The following SLC2A12 variants were observed in gnomAD, a reference collection of about 807,000 sequenced individuals.
The protein encoded by SLC2A12 is solute carrier family 2 member 12.
Under a neutral mutation model 41.8 loss-of-function variants are expected in SLC2A12, and 23 were observed. That is an observed-to-expected ratio of 0.55 (90% confidence interval 0.40 to 0.78). The LOEUF is 0.78. Ranked by LOEUF, SLC2A12 falls within the 30% of genes least tolerant of loss-of-function variation. The pLI, the probability that SLC2A12 is intolerant of heterozygous loss-of-function variation, is 0.00. For synonymous variants in SLC2A12, 295 were observed against 285.9 expected, an observed-to-expected ratio of 1.03 and a Z score of -0.32; for missense variants, 654 against 745.6, an observed-to-expected ratio of 0.88 and a Z score of 1.43.
intron 4 of SLC2A12, among the ~76,000 whole-genome samples, chr6:133,995,724 CAT>C (rs1434778404): frequency 6.6e-6 from 1 of 152,188 alleles, no homozygotes; most frequent in Non-Finnish European, 1.5e-5. Context: ...TAAATCAGAT[CAT>C]GTCACTGCCC....
At position 134,006,793 on chromosome 6, in the gene SLC2A12, G is replaced by A. The variant is rs750498864; in HGVS notation, c.1567+19C>T. On this transcript the variant is annotated intron_variant, in intron 3 of 4. Transcript: ENST00000275230. ...CCTACGAGGACCAAAGACATTAGAG[G>A]AAAACAAAGACTTCTTACCAGTTAC... 6.2e-7 allele frequency: 1 copy of A among 1,613,596 alleles called. No homozygotes were observed. Among genetic ancestry groups the A allele is most frequent in the Non-Finnish European group, 8.5e-7 (1 of 1,179,808 alleles).
At position 133,989,734 on chromosome 6, in the gene SLC2A12, A is replaced by T. The variant is rs1190710173; in HGVS notation, c.*1421T>A. 6.6e-6 allele frequency: 1 copy of T among 152,162 alleles called. No homozygotes were observed. Among genetic ancestry groups the T allele is most frequent in the Non-Finnish European group, 1.5e-5 (1 of 68,028 alleles). 9.4% of individuals were successfully genotyped at this position (152,162 alleles called of 1,614,324 possible). On this transcript the variant is annotated 3_prime_UTR_variant, in exon 5 of 5. Transcript: ENST00000275230. ...ACTTACATAGGTTTATAGTCTCTCC[A>T]CATTGTTATAAAGGAATGTAATAGA... is the stretch of plus-strand genomic sequence containing the variant.
intron 4 of SLC2A12, among the ~76,000 whole-genome samples, chr6:133,991,795 T>A (rs548076871): frequency 6.6e-6 from 1 of 152,340 alleles, no homozygotes; most frequent in South Asian, 2.1e-4. Context: ...CCTTTTCAAA[T>A]ACCTTTTTCT....
At position 134,029,370 on chromosome 6, in the gene SLC2A12, C is replaced by T. The variant is rs1777164731; in HGVS notation, c.455G>A (p.Cys152Tyr). Residue 152 changes from cysteine to tyrosine, a missense_variant, in exon 2 of 5, where the codon TGT becomes TAT. Transcript: ENST00000275230. ...AGGAGCAATCTCTGCGATGTAAACA[C>T]AAGTGGCAATGGAAGAGAGGGAGAT... ...VSISLSSIAT[C>Y]VYIAEIAPQH... 1 of 1,614,178 alleles carries T rather than the reference C, an allele frequency of 6.2e-7. No homozygotes were observed. Among genetic ancestry groups the T allele is most frequent in the Non-Finnish European group, 8.5e-7 (1 of 1,180,044 alleles).
chr6:134,007,866 C>A (rs1181990479), intron 2 of SLC2A12, among the ~76,000 whole-genome samples: 1 of 152,196 alleles, frequency 6.6e-6, no homozygotes, highest in African/African-American at 2.4e-5. Context: ...GAGTTACTTG[C>A]CAAGGTCACA....
intron 4 of SLC2A12, among the ~76,000 whole-genome samples, chr6:133,993,694 C>T (rs1776650983): frequency 6.6e-6 from 1 of 152,134 alleles, no homozygotes; most frequent in South Asian, 2.1e-4. Flanking sequence ...GAGTTGGCTA[C>T]ACAATTGGGA....
chr6:134,015,339 C>T (rs948667500), intron 2 of SLC2A12, among the ~76,000 whole-genome samples: 35 of 152,224 alleles, frequency 2.3e-4, no homozygotes, highest in African/African-American at 8.4e-4. Context: ...AGGAGAGCAT[C>T]AGGAAGAATA....
intron 1 of SLC2A12, among the ~76,000 whole-genome samples, chr6:134,030,144 G>C (rs1777183493): frequency 6.6e-6 from 1 of 152,150 alleles, no homozygotes. Context: ...TTGAGGGCAG[G>C]AGAGAGAGGA....
intron 4 of SLC2A12, 63 bp from the exon 5 acceptor site, chr6:133,991,371 G>C: frequency 6.5e-7 from 1 of 1,549,546 alleles, no homozygotes; most frequent in Non-Finnish European, 8.7e-7. Flanking sequence ...AAATGTGTAG[G>C]CTATTATTTT....
chr6:134,044,997 G>T (rs1777437684), intron 1 of SLC2A12, among the ~76,000 whole-genome samples: 1 of 152,082 alleles, frequency 6.6e-6, no homozygotes, highest in African/African-American at 2.4e-5. Context: ...GTTACATCTG[G>T]ATTTAATGGC....
intron 1 of SLC2A12, among the ~76,000 whole-genome samples, chr6:134,045,507 C>G (rs1053263875): frequency 1.3e-5 from 2 of 152,144 alleles, no homozygotes; most frequent in Non-Finnish European, 2.9e-5. Context: ...TGATAAGTCC[C>G]TTAAGGTTTG....
At chr6:134,038,745 G>A (rs1287263487) in intron 1 of SLC2A12, among the ~76,000 whole-genome samples, 2 of 112,286 alleles carry the variant, frequency 1.8e-5, no homozygotes, top group African/African-American at 3.7e-5. Flanking sequence ...TCGCTCTTTC[G>A]CCCAGGCTGG....
chr6:134,002,208 T>C (rs2114426620), intron 3 of SLC2A12, 79 bp from the exon 4 acceptor site: 1 of 1,424,700 alleles, frequency 7.0e-7, no homozygotes, highest in African/African-American at 1.5e-5. Flanking sequence ...ACTTAGGGCA[T>C]ACATAGCACC....
intron 1 of SLC2A12, among the ~76,000 whole-genome samples, chr6:134,038,700 C>CTTTTTTTTT (rs200794350): frequency 1.2e-5 from 1 of 82,128 alleles, no homozygotes; most frequent in Non-Finnish European, 2.2e-5. Context: ...CCTTTCTTTC[C>CTTTTTTTTT]TTTTTTTTTT....
At chr6:134,046,768 A>G (rs1238272851) in intron 1 of SLC2A12, among the ~76,000 whole-genome samples, 1 of 152,120 alleles carries the variant, frequency 6.6e-6, no homozygotes, top group African/African-American at 2.4e-5. Context: ...CTGAGGCTAT[A>G]CTCCAGCCTG....
chr6:134,033,411 A>T (rs529399241), intron 1 of SLC2A12, among the ~76,000 whole-genome samples: 2 of 152,262 alleles, frequency 1.3e-5, no homozygotes, highest in South Asian at 4.1e-4. Context: ...CCACAAGGAG[A>T]ATTAGGTCAA....
At chr6:134,007,014 C>T in intron 2 of SLC2A12, 80 bp from the exon 3 acceptor site, 3 of 1,573,492 alleles carry the variant, frequency 1.9e-6, no homozygotes, top group Non-Finnish European at 8.6e-7. Context: ...ACCCTGATCT[C>T]TCCCTGCCCT....
At chr6:133,992,686 G>A (rs1210585363) in intron 4 of SLC2A12, among the ~76,000 whole-genome samples, 1 of 152,158 alleles carries the variant, frequency 6.6e-6, no homozygotes, top group East Asian at 1.9e-4. Context: ...GCGAAGAAGT[G>A]GCCTTGGTGG....
intron 1 of SLC2A12, among the ~76,000 whole-genome samples, chr6:134,046,718 C>T (rs1410490607): frequency 6.6e-6 from 1 of 151,852 alleles, no homozygotes; most frequent in African/African-American, 2.4e-5. Flanking sequence ...GGCTGAGGCA[C>T]GAAAACTGCT....
Sources: gnomAD v4.1 joint callset for allele counts (sites outside exome capture counted in the v4.1 genomes callset) on GRCh38, gnomAD v4.1.1 for gene constraint, MANE v1.5 for transcripts, NCBI Gene and HGNC (gene_info 2026-07-23, HGNC 2026-07-21) for gene names.